Variants in KIFAP3 observed in about 807,000 individuals in gnomAD.
KIFAP3 encodes the protein kinesin associated protein 3.
KIFAP3 carries 68 observed loss-of-function variants against 106.5 expected under a neutral mutation model. The ratio of observed to expected loss-of-function variants is 0.64; its 90% CI spans 0.53 to 0.78. KIFAP3 has a LOEUF of 0.78. Among genes scored for constraint, KIFAP3 ranks in the 30% least tolerant of loss-of-function variants. The pLI, the probability that KIFAP3 is intolerant of heterozygous loss-of-function variation, is 0.00. For synonymous variants in KIFAP3, 320 were observed against 311.5 expected, an observed-to-expected ratio of 1.03 and a Z score of -0.29; for missense variants, 780 against 941.8, an observed-to-expected ratio of 0.83 and a Z score of 2.25.
At chr1:169,959,202 G>A (rs375266587) in intron 18 of KIFAP3, among the ~76,000 whole-genome samples, 10 of 152,138 alleles carry the variant, frequency 6.6e-5, no homozygotes, top group Non-Finnish European at 1.2e-4. Context: ...TTTATCTGAC[G>A]TTTTCTGATG....
chr1:169,975,324 C>T (rs1191874770), intron 16 of KIFAP3, among the ~76,000 whole-genome samples: 1 of 151,954 alleles, frequency 6.6e-6, no homozygotes, highest in Non-Finnish European at 1.5e-5. Flanking sequence ...TAAGTCTACA[C>T]TAGCTATCTC....
At chr1:169,928,699 C>CAAAAAAAA (rs10690029) in intron 19 of KIFAP3, among the ~76,000 whole-genome samples, 2,252 of 36,970 alleles carry the variant, frequency 0.061, 260 homozygotes, top group African/African-American at 0.13. Flanking sequence ...ACCCTGTCTC[C>CAAAAAAAA]AAAAAAAAAA....
chr1:170,063,777 T>C (rs1671298945), intron 1 of KIFAP3, among the ~76,000 whole-genome samples: 1 of 152,206 alleles, frequency 6.6e-6, no homozygotes, highest in Admixed American at 6.5e-5. Flanking sequence ...TTTCTCAGTA[T>C]TGCGGGACCT....
At chr1:169,997,367 TTC>T (rs1553283804) in intron 10 of KIFAP3, among the ~76,000 whole-genome samples, 2 of 152,220 alleles carry the variant, frequency 1.3e-5, no homozygotes, top group African/African-American at 2.4e-5. Flanking sequence ...ATAACATTTT[TTC>T]TGTTTTACTA....
intron 1 of KIFAP3, among the ~76,000 whole-genome samples, chr1:170,072,376 G>A (rs1180458126): frequency 6.6e-6 from 1 of 152,142 alleles, no homozygotes; most frequent in African/African-American, 2.4e-5. Flanking sequence ...TAAGTTTAGG[G>A]AAAAACAAGG....
At position 170,038,309 on chromosome 1, in the gene KIFAP3, C is replaced by G; in HGVS notation, c.498G>C (p.Leu166Phe). The G allele has an allele frequency of 6.2e-7, 1 of 1,600,008 alleles. No individual in the cohort carries two copies. Among genetic ancestry groups the G allele is most frequent in the South Asian group, 1.1e-5 (1 of 87,752 alleles). Residue 166 changes from leucine (L) to phenylalanine (F), a missense_variant, in exon 5 of 20, where the codon TTG becomes TTC. By Grantham distance (22) the Leu-to-Phe change is conservative. Coordinates refer to ENST00000361580, the MANE Select transcript of KIFAP3 (RefSeq NM_014970.4). ...AATCACCATTCAATAGTAGTTCTTC[C>G]AAGTTATCAGGATTTCGAGCAAGCT... is the stretch of plus-strand genomic sequence containing the variant. ...ILQLARNPDN[L>F]EELLLNETAL...
At chr1:170,044,554 CA>C (rs1455918265) in intron 3 of KIFAP3, among the ~76,000 whole-genome samples, 1 of 152,178 alleles carries the variant, frequency 6.6e-6, no homozygotes, top group Non-Finnish European at 1.5e-5. Flanking sequence ...ATAAAATGAT[CA>C]TGACATCTGA....
chr1:169,988,532 C>A (rs776378420), intron 11 of KIFAP3, among the ~76,000 whole-genome samples: 2 of 151,760 alleles, frequency 1.3e-5, no homozygotes, highest in Admixed American at 1.3e-4. Flanking sequence ...ATATTCCAAC[C>A]GGGGTTATGA....
chr1:169,949,200 T>C (rs1571544453), intron 19 of KIFAP3, among the ~76,000 whole-genome samples: 1 of 151,666 alleles, frequency 6.6e-6, no homozygotes, highest in East Asian at 1.9e-4. Flanking sequence ...ATAATACATA[T>C]AATGCATAAA....
Position 169,972,382 on chromosome 1 carries a change from T to G in KIFAP3, c.1983+131A>C, listed in dbSNP as rs867663272. The G allele has an allele frequency of 6.9e-6, 4 of 577,146 alleles. No homozygotes were observed. The Middle Eastern group carries it at 1.1e-3, about 163-fold the overall frequency. The allele number at this position is 577,146 out of a possible 1,614,324, so 35.8% of individuals were successfully genotyped here. A position where few individuals can be genotyped will look rare whatever the true frequency, so the allele number is the denominator to read the frequency against. On this transcript the variant is annotated intron_variant, in intron 17 of 19. Transcript: ENST00000361580. ...GTTTAAAAAGTAAATTTAGTATCAT[T>G]GTATATCCTGAATCTTACCAAAATA...
intron 19 of KIFAP3, among the ~76,000 whole-genome samples, chr1:169,926,481 T>C (rs1319761831): frequency 1.3e-5 from 2 of 152,154 alleles, no homozygotes; most frequent in East Asian, 3.8e-4. Flanking sequence ...CTTTACACTA[T>C]TGTAGGCTAA....
intron 8 of KIFAP3, among the ~76,000 whole-genome samples, chr1:170,028,898 A>G (rs1021027197): frequency 6.6e-6 from 1 of 152,172 alleles, no homozygotes; most frequent in Non-Finnish European, 1.5e-5. Context: ...AATAGAATTT[A>G]AAAAATCTCA....
chr1:170,041,540 C>T, intron 3 of KIFAP3: 1 of 595,306 alleles, frequency 1.7e-6, no homozygotes, highest in South Asian at 2.2e-5. Flanking sequence ...TAAAGGGATA[C>T]CCCTCGTAGG....
intron 19 of KIFAP3, among the ~76,000 whole-genome samples, chr1:169,927,355 A>T (rs1663200381): frequency 6.6e-6 from 1 of 152,188 alleles, no homozygotes; most frequent in Non-Finnish European, 1.5e-5. Flanking sequence ...ATGTCATCCT[A>T]CTGTAGCATA....
intron 19 of KIFAP3, among the ~76,000 whole-genome samples, chr1:169,946,661 C>T (rs1571540219): frequency 6.6e-6 from 1 of 152,040 alleles, no homozygotes; most frequent in Non-Finnish European, 1.5e-5. Flanking sequence ...TGCCCTATAA[C>T]CTCACACACT....
intron 1 of KIFAP3, among the ~76,000 whole-genome samples, chr1:170,063,020 C>A (rs559531241): frequency 2.6e-5 from 4 of 152,026 alleles, no homozygotes; most frequent in Non-Finnish European, 5.9e-5. Context: ...CTGCCTCTAT[C>A]GACTCTAAAA....
intron 10 of KIFAP3, among the ~76,000 whole-genome samples, chr1:170,006,327 T>A (rs1667959095): frequency 6.6e-6 from 1 of 152,136 alleles, no homozygotes; most frequent in Non-Finnish European, 1.5e-5. Flanking sequence ...GTTCTAGGTA[T>A]TAGGAGTAAA....
chr1:169,992,318 G>C, intron 10 of KIFAP3, 63 bp from the exon 11 acceptor site: 3 of 704,106 alleles, frequency 4.3e-6, no homozygotes, highest in South Asian at 6.1e-5. Flanking sequence ...GCACACTCAT[G>C]TTAATGTACT....
intron 3 of KIFAP3, among the ~76,000 whole-genome samples, chr1:170,041,100 GGCGT>G (rs1368776749): frequency 6.6e-6 from 1 of 151,946 alleles, no homozygotes. Context: ...TGACATTATA[GGCGT>G]GAGCCACCAC....
Sources: gnomAD v4.1 joint callset for allele counts (sites outside exome capture counted in the v4.1 genomes callset) on GRCh38, gnomAD v4.1.1 for gene constraint, MANE v1.5 for transcripts, NCBI Gene and HGNC (gene_info 2026-07-23, HGNC 2026-07-21) for gene names.